PTPRR: variants seen among roughly 807,000 people sequenced by gnomAD.
The protein encoded by PTPRR is protein tyrosine phosphatase receptor type R.
PTPRR carries 38 observed loss-of-function variants against 77.2 expected under a neutral mutation model. The observed-to-expected ratio is 0.49, with a 90% CI of 0.38 to 0.65. The LOEUF is 0.65. PTPRR is among the 30% of genes least tolerant of loss of function. The pLI is 0.00. For missense variants in PTPRR, 744 were observed against 799.2 expected, an observed-to-expected ratio of 0.93 and a Z score of 0.83; for synonymous variants, 299 against 283.1, an observed-to-expected ratio of 1.06 and a Z score of -0.57.
At chr12:70,717,257 T>C (rs930277426) in intron 6 of PTPRR, among the ~76,000 whole-genome samples, 2 of 152,156 alleles carry the variant, frequency 1.3e-5, no homozygotes, top group African/African-American at 2.4e-5. Context: ...GTGAATGACA[T>C]AATAATGAAC....
At chr12:70,871,407 G>A (rs1002923811) in intron 2 of PTPRR, among the ~76,000 whole-genome samples, 2 of 152,016 alleles carry the variant, frequency 1.3e-5, no homozygotes, top group African/African-American at 2.4e-5. Context: ...ATCTCCCCTC[G>A]CACCTGGCCT....
chr12:70,838,214 TA>T (rs1892337494), intron 2 of PTPRR, among the ~76,000 whole-genome samples: 1 of 152,144 alleles, frequency 6.6e-6, no homozygotes, highest in Admixed American at 6.6e-5. Flanking sequence ...TGACAATAAA[TA>T]ATGTATTGAG....
rs183175996 is a variant in PTPRR, at chr12:70,737,397, A to G, written c.1007+8421T>C. On this transcript the variant is annotated intron_variant, in intron 6 of 13. Coordinates refer to ENST00000283228, the MANE Select transcript of PTPRR (RefSeq NM_002849.4). ...CTGTGCTTTTACAGAACCTCACCAA[A>G]GACCTAAGAGAAAGATTCTGGGCCC... Among the ~76,000 whole-genome samples the G allele has an allele frequency of 9.9e-5, 15 of 152,224 alleles. No individual in the cohort carries two copies. The East Asian group carries it at 2.9e-3, about 29-fold the overall frequency.
At chr12:70,808,784 G>T (rs57443671) in intron 2 of PTPRR, among the ~76,000 whole-genome samples, 1 of 152,026 alleles carries the variant, frequency 6.6e-6, no homozygotes, top group African/African-American at 2.4e-5. Context: ...CAGACATGCC[G>T]TGCCATTTTT....
Position 70,683,065 on chromosome 12 carries a change from A to C in PTPRR, c.1497+1062T>G, listed in dbSNP as rs1402250244. 2.6e-5 allele frequency among the ~76,000 whole-genome samples: 4 copies of C among 152,208 alleles called. No individual in the cohort carries two copies. The East Asian group carries it at 7.7e-4, about 29-fold the overall frequency. ...TATCTATTGTAGCAAAAATATAAGA[A>C]AATCACAAACTTTAAAACACATATA... On this transcript the variant is annotated intron_variant, in intron 10 of 13. Coordinates refer to ENST00000283228, the MANE Select transcript of PTPRR (RefSeq NM_002849.4).
intron 2 of PTPRR, among the ~76,000 whole-genome samples, chr12:70,828,718 T>C (rs893703159): frequency 2.0e-5 from 3 of 152,228 alleles, no homozygotes; most frequent in Non-Finnish European, 2.9e-5. Flanking sequence ...GTATTCGAAC[T>C]CTGATTCCTC....
intron 1 of PTPRR, among the ~76,000 whole-genome samples, chr12:70,905,059 T>G (rs1290748070): frequency 1.4e-5 from 2 of 148,114 alleles, no homozygotes; most frequent in Non-Finnish European, 3.0e-5. Context: ...CTGGAATAAT[T>G]AGTAGACTGA....
At chr12:70,787,464 ATCT>A (rs1223559243) in intron 2 of PTPRR, among the ~76,000 whole-genome samples, 3 of 152,210 alleles carry the variant, frequency 2.0e-5, no homozygotes, top group African/African-American at 7.2e-5. Flanking sequence ...AAGAAGCCAC[ATCT>A]TCTTTAAAGC....
chr12:70,771,599 A>T (rs1396986069), intron 2 of PTPRR, among the ~76,000 whole-genome samples: 4 of 152,190 alleles, frequency 2.6e-5, no homozygotes, highest in Admixed American at 6.5e-5. Context: ...CAATTTGTCT[A>T]GTTATAATAA....
At chr12:70,691,543 C>T (rs953473957) in intron 8 of PTPRR, among the ~76,000 whole-genome samples, 2 of 152,140 alleles carry the variant, frequency 1.3e-5, no homozygotes, top group African/African-American at 4.8e-5. Flanking sequence ...CAAATACATA[C>T]TTCAGACCAG....
chr12:70,767,367 A>G (rs1383903407), intron 2 of PTPRR, among the ~76,000 whole-genome samples: 3 of 150,118 alleles, frequency 2.0e-5, no homozygotes, highest in Non-Finnish European at 4.5e-5. Flanking sequence ...TTGCAATCCT[A>G]GTCTCTGATA....
intron 2 of PTPRR, among the ~76,000 whole-genome samples, chr12:70,865,577 C>A (rs1022304977): frequency 3.3e-5 from 5 of 152,142 alleles, no homozygotes; most frequent in Admixed American, 6.5e-5. Flanking sequence ...ATCCAGCTAA[C>A]CTACAAATCT....
chr12:70,862,129 G>T (rs1441375841), intron 2 of PTPRR, among the ~76,000 whole-genome samples: 1 of 152,108 alleles, frequency 6.6e-6, no homozygotes, highest in Non-Finnish European at 1.5e-5. Flanking sequence ...AAGTGAAGCA[G>T]TGTGCAAAAA....
At chr12:70,786,796 G>C (rs151088524) in intron 2 of PTPRR, among the ~76,000 whole-genome samples, 221 of 152,234 alleles carry the variant, frequency 1.5e-3, no homozygotes, top group Non-Finnish European at 2.6e-3. Flanking sequence ...AATGAAATGA[G>C]GTTTATTGGC....
chr12:70,808,949 ATTTC>A (rs1053314764), intron 2 of PTPRR, among the ~76,000 whole-genome samples: 4 of 151,986 alleles, frequency 2.6e-5, no homozygotes, highest in African/African-American at 9.7e-5. Context: ...CCTACAACTG[ATTTC>A]TTTCTGTTTG....
At chr12:70,666,948 T>G (rs1592651258) in intron 10 of PTPRR, among the ~76,000 whole-genome samples, 3 of 84,860 alleles carry the variant, frequency 3.5e-5, no homozygotes, top group Non-Finnish European at 4.9e-5. Flanking sequence ...TTTTTTTTTT[T>G]TTTTTTTTTT....
intron 1 of PTPRR, among the ~76,000 whole-genome samples, chr12:70,898,251 T>C (rs1232202808): frequency 6.7e-6 from 1 of 149,640 alleles, no homozygotes; most frequent in Non-Finnish European, 1.5e-5. Flanking sequence ...GCCAGCCTAG[T>C]AAATGAGTAT....
chr12:70,906,048 A>G (rs578028707), intron 1 of PTPRR, among the ~76,000 whole-genome samples: 22 of 152,154 alleles, frequency 1.4e-4, no homozygotes, highest in Non-Finnish European at 2.4e-4. Flanking sequence ...ACATAATTGT[A>G]GCAATAAAAG....
rs201965125 is a variant in PTPRR at position 70,800,897 on chromosome 12, T to TAAAAA, written c.358-36124_358-36120dup. 3.4e-5 allele frequency among the ~76,000 whole-genome samples: 4 copies of TAAAAA among 118,050 alleles called. No homozygotes were observed. In the South Asian group the frequency reaches 1.1e-3, roughly 32 times the overall value. The allele number at this position is 118,050 out of a possible 152,430, so 77.4% of individuals were successfully genotyped here. Reference sequence around the variant, plus strand: ...GAGACAAGAGCGAAACTCCATCTCATAAAAAAAAAAAAAAAAGTATTAATG... The same window carrying TAAAAA: ...GAGACAAGAGCGAAACTCCATCTCATAAAAAAAAAAAAAAAAAAAAAGTATTAATG... On this transcript the variant is annotated intron_variant, in intron 2 of 13. Transcript: ENST00000283228.
Sources: allele counts gnomAD v4.1 joint callset (sites outside exome capture counted in the v4.1 genomes callset), GRCh38; gene constraint gnomAD v4.1.1; transcripts MANE v1.5; gene names NCBI Gene and HGNC (gene_info 2026-07-23, HGNC 2026-07-21).